The following GPC6 variants were observed in gnomAD, a reference collection of about 807,000 sequenced individuals.
The protein encoded by GPC6 is glypican 6.
In GPC6, 14 loss-of-function variants were observed where a neutral mutation model predicts 55.2. The observed-to-expected ratio is 0.25, with a 90% CI of 0.17 to 0.40. The LOEUF is 0.40. Among genes scored for constraint, GPC6 ranks in the 10% least tolerant of loss-of-function variants. The pLI is 1.00. For synonymous variants in GPC6, 278 were observed against 259.6 expected (o/e 1.07, Z -0.68); for missense variants, 641 against 708.5 (o/e 0.90, Z 1.08).
chr13:93,390,647 A>G (rs530611367), intron 1 of GPC6, among the ~76,000 whole-genome samples: 3 of 152,264 alleles, frequency 2.0e-5, no homozygotes, highest in African/African-American at 7.2e-5. Context: ...ACATTAGTCA[A>G]TGTTTTAAAG....
intron 1 of GPC6, chr13:93,395,829 G>C (rs1428000242): frequency 6.6e-6 from 1 of 152,362 alleles, no homozygotes; most frequent in Non-Finnish European, 1.5e-5. Flanking sequence ...GTCCGACCTA[G>C]ACATGATGGC....
chr13:94,389,586 T>C (rs1019105175), intron 7 of GPC6, among the ~76,000 whole-genome samples: 1 of 152,228 alleles, frequency 6.6e-6, no homozygotes, highest in African/African-American at 2.4e-5. Context: ...CTCTAACTTC[T>C]TGTAGCATTG....
intron 2 of GPC6, among the ~76,000 whole-genome samples, chr13:93,621,620 C>A (rs1465755618): frequency 3.9e-4 from 59 of 152,050 alleles, no homozygotes; most frequent in Non-Finnish European, 7.4e-4. Flanking sequence ...ACAATATAAG[C>A]ATGTTCAAAA....
At chr13:93,564,106 T>TG (rs1875964288) in intron 2 of GPC6, among the ~76,000 whole-genome samples, 1 of 152,150 alleles carries the variant, frequency 6.6e-6, no homozygotes, top group South Asian at 2.1e-4. Flanking sequence ...ATTTTATACT[T>TG]TAACTCATAA....
intron 4 of GPC6, among the ~76,000 whole-genome samples, chr13:94,184,342 TA>T (rs529975326): frequency 5.7e-4 from 84 of 147,164 alleles, no homozygotes; most frequent in African/African-American, 1.9e-3. Flanking sequence ...CCTACTAGAG[TA>T]AATAGACAAC....
At chr13:93,909,127 G>A (rs1476777106) in intron 3 of GPC6, among the ~76,000 whole-genome samples, 1 of 152,130 alleles carries the variant, frequency 6.6e-6, no homozygotes, top group African/African-American at 2.4e-5. Context: ...ACTGTGCCTG[G>A]CATACAATCA....
intron 2 of GPC6, among the ~76,000 whole-genome samples, chr13:93,759,222 C>T (rs1884878297): frequency 6.6e-6 from 1 of 152,138 alleles, no homozygotes; most frequent in Non-Finnish European, 1.5e-5. Flanking sequence ...TTCAAGCTTG[C>T]CTCCCTTTCC....
At chr13:93,774,602 C>T in intron 2 of GPC6, among the ~76,000 whole-genome samples, 1 of 152,076 alleles carries the variant, frequency 6.6e-6, no homozygotes, top group East Asian at 1.9e-4. Context: ...TTTAATAATA[C>T]CATGTTATAT....
intron 4 of GPC6, among the ~76,000 whole-genome samples, chr13:94,080,343 A>G (rs565575293): frequency 6.6e-6 from 1 of 152,364 alleles, no homozygotes; most frequent in South Asian, 2.1e-4. Flanking sequence ...GCTGATAAGT[A>G]ATTTTAATTA....
chr13:93,607,830 T>C (rs74783977), intron 2 of GPC6, among the ~76,000 whole-genome samples: 1,971 of 152,252 alleles, frequency 0.013, 41 homozygotes, highest in African/African-American at 0.04. Flanking sequence ...GCCCCTGCTA[T>C]ACACAATGGG....
chr13:94,167,494 G>C (rs1888408401), intron 4 of GPC6, among the ~76,000 whole-genome samples: 1 of 152,142 alleles, frequency 6.6e-6, no homozygotes, highest in Admixed American at 6.6e-5. Flanking sequence ...ATGAGAACTA[G>C]ATATCAGTGC....
At chr13:94,105,773 G>C (rs1180720342) in intron 4 of GPC6, among the ~76,000 whole-genome samples, 1 of 152,192 alleles carries the variant, frequency 6.6e-6, no homozygotes, top group Non-Finnish European at 1.5e-5. Context: ...GAGATCATTT[G>C]GAATGGTGAA....
chr13:93,486,325 A>C (rs1879710647), intron 1 of GPC6, among the ~76,000 whole-genome samples: 1 of 152,162 alleles, frequency 6.6e-6, no homozygotes, highest in African/African-American at 2.4e-5. Context: ...TGTAGCTCCA[A>C]ATGTTCATGG....
intron 2 of GPC6, among the ~76,000 whole-genome samples, chr13:93,700,734 A>G (rs1462322931): frequency 6.6e-6 from 1 of 152,110 alleles, no homozygotes; most frequent in African/African-American, 2.4e-5. Context: ...ATAATTCAAA[A>G]GCTTGATATG....
chr13:94,097,506 C>CAAAAAAAAAAAAAAAAAAAA (rs869307863), intron 4 of GPC6, among the ~76,000 whole-genome samples: 1 of 70,258 alleles, frequency 1.4e-5, no homozygotes, highest in Non-Finnish European at 2.6e-5. Context: ...GACTCTGTCT[C>CAAAAAAAAAAAAAAAAAAAA]AAAAAAAAAA....
intron 2 of GPC6, among the ~76,000 whole-genome samples, chr13:93,828,331 A>T (rs1325529751): frequency 6.6e-6 from 1 of 152,070 alleles, no homozygotes; most frequent in Admixed American, 6.6e-5. Flanking sequence ...TGGTTTCCAG[A>T]TCGGAAGGTT....
intron 4 of GPC6, among the ~76,000 whole-genome samples, chr13:94,098,268 A>G (rs1177712961): frequency 2.0e-5 from 3 of 152,184 alleles, no homozygotes; most frequent in South Asian, 2.1e-4. Context: ...TGCTTTACCT[A>G]TAGGATGACA....
chr13:93,265,088 A>G (rs1011586007), intron 1 of GPC6, among the ~76,000 whole-genome samples: 1 of 152,202 alleles, frequency 6.6e-6, no homozygotes, highest in Admixed American at 6.5e-5. Flanking sequence ...GCCATAGCTC[A>G]TTATATGCTT....
chr13:93,895,222 A>ATGTGTGTGTGTGTGTATATGTGTGTG (rs369480808), intron 3 of GPC6, among the ~76,000 whole-genome samples: 1 of 53,598 alleles, frequency 1.9e-5, no homozygotes, highest in African/African-American at 7.9e-5. Context: ...GTGTGTATGT[A>ATGTGTGTGTGTGTGTATATGTGTGTG]TGTGTGTGTG....
Sources: gnomAD v4.1 joint callset for allele counts (sites outside exome capture counted in the v4.1 genomes callset) on GRCh38, gnomAD v4.1.1 for gene constraint, MANE v1.5 for transcripts, NCBI Gene and HGNC (gene_info 2026-07-23, HGNC 2026-07-21) for gene names.